The following FAM13A variants were observed in gnomAD, a reference collection of about 807,000 sequenced individuals.
FAM13A encodes the protein family with sequence similarity 13 member A, also known as protein FAM13A.
A neutral mutation model predicts 129.6 loss-of-function variants in FAM13A; 76 were observed. The ratio of observed to expected loss-of-function variants is 0.59; its 90% CI spans 0.49 to 0.71. FAM13A has a LOEUF of 0.71. FAM13A is among the 30% of genes least tolerant of loss of function. FAM13A has a pLI of 0.00. For missense variants in FAM13A, 1,108 were observed against 1,249.3 expected (o/e 0.89, Z 1.70); for synonymous variants, 443 against 449.9 (o/e 0.98, Z 0.20).
At chr4:88,861,609 A>G (rs1041145392) in intron 6 of FAM13A, among the ~76,000 whole-genome samples, 1 of 152,174 alleles carries the variant, frequency 6.6e-6, no homozygotes, top group African/African-American at 2.4e-5. Flanking sequence ...ATAAGCATTT[A>G]CCAAATGACT....
intron 7 of FAM13A, among the ~76,000 whole-genome samples, chr4:88,836,009 T>G (rs1364816620): frequency 6.6e-6 from 1 of 152,166 alleles, no homozygotes; most frequent in Non-Finnish European, 1.5e-5. Context: ...AAACAAATTT[T>G]TTTTGCATTA....
intron 4 of FAM13A, among the ~76,000 whole-genome samples, chr4:88,946,705 T>A (rs1046940440): frequency 1.5e-4 from 23 of 152,058 alleles, no homozygotes; most frequent in African/African-American, 1.4e-4. Flanking sequence ...GCTTTTTTTT[T>A]ATTTATTTGA....
intron 6 of FAM13A, among the ~76,000 whole-genome samples, chr4:88,891,392 C>T (rs1217432689): frequency 1.3e-5 from 2 of 152,080 alleles, no homozygotes; most frequent in East Asian, 1.9e-4. Flanking sequence ...TGCCCTCCAG[C>T]CTGGGTGAGA....
At chr4:88,984,797 A>G (rs1355783815) in intron 4 of FAM13A, among the ~76,000 whole-genome samples, 1 of 152,154 alleles carries the variant, frequency 6.6e-6, no homozygotes, top group Non-Finnish European at 1.5e-5. Context: ...CATGATAAGC[A>G]CATCCCATTG....
intron 3 of FAM13A, among the ~76,000 whole-genome samples, chr4:89,010,528 A>G (rs923561051): frequency 6.6e-6 from 1 of 152,230 alleles, no homozygotes; most frequent in African/African-American, 2.4e-5. Context: ...GCACTTTAAA[A>G]TGTAAAGGTG....
intron 4 of FAM13A, among the ~76,000 whole-genome samples, chr4:88,940,380 G>A (rs1170125278): frequency 6.6e-6 from 1 of 152,172 alleles, no homozygotes; most frequent in African/African-American, 2.4e-5. Flanking sequence ...AGTTACTTGA[G>A]AAGATCAACC....
intron 4 of FAM13A, among the ~76,000 whole-genome samples, chr4:88,967,247 G>C (rs1214157876): frequency 1.2e-4 from 19 of 152,290 alleles, no homozygotes; most frequent in Admixed American, 1.2e-3. Flanking sequence ...AGCTCACTGA[G>C]AGCAGGCAGT....
At chr4:88,831,927 T>C (rs1578862749) in intron 7 of FAM13A, among the ~76,000 whole-genome samples, 1 of 152,110 alleles carries the variant, frequency 6.6e-6, no homozygotes, top group African/African-American at 2.4e-5. Flanking sequence ...AGACCCCAAA[T>C]AGCCAAGACG....
intron 3 of FAM13A, among the ~76,000 whole-genome samples, chr4:89,000,990 T>C (rs1488168252): frequency 2.0e-5 from 3 of 152,276 alleles, no homozygotes; most frequent in African/African-American, 7.2e-5. Context: ...GAGTTGTTCT[T>C]ATATGGAATA....
intron 8 of FAM13A, among the ~76,000 whole-genome samples, chr4:88,800,875 C>G (rs1727322919): frequency 6.6e-6 from 1 of 151,976 alleles, no homozygotes; most frequent in Non-Finnish European, 1.5e-5. Flanking sequence ...TTCTTAGTAG[C>G]CTAAAACAGG....
rs186081171 is a variant in FAM13A, at chr4:88,991,375, T to G, written c.428-225A>C. On this transcript the variant is annotated intron_variant, in intron 3 of 23. Coordinates refer to ENST00000264344, the MANE Select transcript of FAM13A (RefSeq NM_014883.4). Reference sequence around the variant, plus strand: ...ATGGCATGAACCCGGGAGGCGGAGCTCGCAGTGAGCCGAGATTGCGCCACT... The same window carrying G: ...ATGGCATGAACCCGGGAGGCGGAGCGCGCAGTGAGCCGAGATTGCGCCACT... 7.6e-3 allele frequency among the ~76,000 whole-genome samples: 1,149 copies of G among 152,158 alleles called. 17 individuals are homozygous for G. The highest frequency in any genetic ancestry group is 0.026 in the African/African-American group (1,099 of 41,524).
intron 10 of FAM13A, among the ~76,000 whole-genome samples, chr4:88,786,451 A>G (rs1723982037): frequency 1.3e-5 from 2 of 152,264 alleles, no homozygotes; most frequent in Admixed American, 1.3e-4. Flanking sequence ...CAAACTAATT[A>G]TACTTCTAAA....
chr4:88,945,835 T>C (rs1448584096), intron 4 of FAM13A, among the ~76,000 whole-genome samples: 1 of 142,160 alleles, frequency 7.0e-6, no homozygotes, highest in Non-Finnish European at 1.5e-5. Context: ...CTACATATTC[T>C]ATGTGTGTGT....
intron 4 of FAM13A, chr4:88,990,540 T>C (rs1178142206): frequency 1.3e-5 from 2 of 153,276 alleles, no homozygotes; most frequent in African/African-American, 4.8e-5. Context: ...TTCCAGTAAA[T>C]GAAGCTGAGG....
At chr4:88,939,238 G>A (rs1754349728) in intron 4 of FAM13A, among the ~76,000 whole-genome samples, 1 of 152,146 alleles carries the variant, frequency 6.6e-6, no homozygotes, top group Admixed American at 6.5e-5. Flanking sequence ...GGGAGAAGCT[G>A]TTCCTTGCCT....
intron 8 of FAM13A, among the ~76,000 whole-genome samples, chr4:88,796,720 T>A (rs1212430255): frequency 6.6e-6 from 1 of 151,988 alleles, no homozygotes; most frequent in Non-Finnish European, 1.5e-5. Context: ...AGGTTTTTTT[T>A]TTTTAGTAGT....
chr4:88,981,417 A>C (rs1347376691), intron 4 of FAM13A, among the ~76,000 whole-genome samples: 2 of 152,196 alleles, frequency 1.3e-5, no homozygotes, highest in Non-Finnish European at 2.9e-5. Context: ...GCAAATAAAA[A>C]ATATTTAGGT....
intron 1 of FAM13A, among the ~76,000 whole-genome samples, chr4:89,056,180 T>C (rs184328998): frequency 5.9e-5 from 9 of 152,320 alleles, no homozygotes; most frequent in East Asian, 1.9e-4. Flanking sequence ...CATACAGATA[T>C]ATGCATTTTC....
rs182070844 is a variant in FAM13A at position 88,800,410 on chromosome 4, C to T, written c.1049+4601G>A. Among the ~76,000 whole-genome samples, 8 of 152,244 alleles carry T rather than the reference C, an allele frequency of 5.3e-5. No individual in the cohort carries two copies. In the East Asian group the frequency reaches 1.2e-3, roughly 22 times the overall value. ...GTTTAGAAACACTATTCTGGCCAGG[C>T]GCGGTGGCTCGCACCTGTAATCCCA... On this transcript the variant is annotated intron_variant, in intron 8 of 23. Transcript: ENST00000264344.
Sources: gnomAD v4.1 joint callset for allele counts (sites outside exome capture counted in the v4.1 genomes callset) on GRCh38, gnomAD v4.1.1 for gene constraint, MANE v1.5 for transcripts, NCBI Gene and HGNC (gene_info 2026-07-23, HGNC 2026-07-21) for gene names.